DMGDH: variants seen among roughly 807,000 people sequenced by gnomAD.
The protein encoded by DMGDH is dimethylglycine dehydrogenase, mitochondrial.
Under a neutral mutation model 95.2 loss-of-function variants are expected in DMGDH, and 76 were observed. The observed-to-expected ratio is 0.80, with a 90% CI of 0.66 to 0.97. The LOEUF is 0.97. Among genes scored for constraint, DMGDH ranks in the 50% least tolerant of loss-of-function variants. The pLI is 0.00. For synonymous variants in DMGDH, 345 were observed against 377.6 expected (o/e 0.91, Z 1.00); for missense variants, 987 against 1,055.0 (o/e 0.94, Z 0.89).
At chr5:79,045,561 C>T (rs996623073) in intron 5 of DMGDH, among the ~76,000 whole-genome samples, 5 of 152,008 alleles carry the variant, frequency 3.3e-5, no homozygotes, top group African/African-American at 1.2e-4. Context: ...ATCCAAGGCA[C>T]CTTCACTGTA....
At chr5:79,014,365 G>C (rs1160611162) in intron 14 of DMGDH, among the ~76,000 whole-genome samples, 3 of 152,142 alleles carry the variant, frequency 2.0e-5, no homozygotes, top group African/African-American at 7.2e-5. Context: ...AAATGGACCT[G>C]TGGCTTTATC....
Position 79,033,364 on chromosome 5 carries a change from T to C in DMGDH, c.1238A>G (p.Asp413Gly). 6.2e-7 allele frequency: 1 copy of C among 1,614,176 alleles called. No individual in the cohort carries two copies. Among genetic ancestry groups the C allele is most frequent in the Non-Finnish European group, 8.5e-7 (1 of 1,180,034 alleles). ...HAGGVGKYLS[D>G]WILHGEPPFD... ...AGGAGGTTCTCCATGCAGGATCCAG[T>C]CACTGAGATATTTCCCTACCCCACC... is the stretch of plus-strand genomic sequence containing the variant. The change falls in exon 8 of 16, where the codon GAC becomes GGC. Residue 413 changes from aspartate to glycine, a missense_variant. Transcript: ENST00000255189.
intron 13 of DMGDH, among the ~76,000 whole-genome samples, chr5:79,025,577 C>T (rs978614445): frequency 2.0e-5 from 3 of 152,148 alleles, no homozygotes; most frequent in Non-Finnish European, 4.4e-5. Context: ...ATAAAAAATC[C>T]ATTTTTTAGA....
chr5:79,020,558 T>G (rs1402147327), intron 14 of DMGDH: 15 of 658,404 alleles, frequency 2.3e-5, no homozygotes, highest in Non-Finnish European at 2.8e-5. Flanking sequence ...GCTTTGCCTC[T>G]TTACCAGCTT....
chr5:79,063,921 T>C, intron 1 of DMGDH, 134 bp from the exon 2 acceptor site: 1 of 997,292 alleles, frequency 1.0e-6, no homozygotes, highest in South Asian at 1.4e-5. Context: ...ACTGATTTAA[T>C]AATTTGGAGC....
chr5:79,002,632 C>A (rs11952315), intron 15 of DMGDH, among the ~76,000 whole-genome samples: 7,025 of 152,164 alleles, frequency 0.046, 514 homozygotes, highest in African/African-American at 0.15. Flanking sequence ...CACACACACA[C>A]AAAAAAGTCA....
At chr5:79,034,863 T>C (rs896936471) in intron 7 of DMGDH, among the ~76,000 whole-genome samples, 21 of 151,842 alleles carry the variant, frequency 1.4e-4, no homozygotes, top group African/African-American at 4.1e-4. Context: ...CGAGACCATC[T>C]TGGCTAACAC....
chr5:79,066,640 C>T (rs56376822), intron 1 of DMGDH, among the ~76,000 whole-genome samples: 1,917 of 152,162 alleles, frequency 0.013, 29 homozygotes, highest in African/African-American at 0.041. Flanking sequence ...GTGAGTTTGT[C>T]TGGTGTTTCC....
chr5:79,061,253 A>G (rs1456271593), intron 2 of DMGDH, among the ~76,000 whole-genome samples: 1 of 147,782 alleles, frequency 6.8e-6, no homozygotes, highest in African/African-American at 2.6e-5. Flanking sequence ...ACACACACAC[A>G]CACACACACA....
chr5:79,021,107 TAAG>T (rs4021027), intron 14 of DMGDH: 13,334 of 986,412 alleles, frequency 0.014, 124 homozygotes, highest in South Asian at 0.065. Context: ...CGTTTTTAGT[TAAG>T]AAGATTTTAA....
At chr5:79,066,069 C>T (rs1036477954) in intron 1 of DMGDH, among the ~76,000 whole-genome samples, 42 of 152,222 alleles carry the variant, frequency 2.8e-4, no homozygotes, top group South Asian at 4.1e-4. Flanking sequence ...AACAACAGTA[C>T]AGTTTTCAAA....
intron 14 of DMGDH, among the ~76,000 whole-genome samples, chr5:79,015,365 G>A (rs1452857590): frequency 3.3e-5 from 5 of 152,130 alleles, no homozygotes; most frequent in Admixed American, 6.5e-5. Context: ...TGATCTCCCA[G>A]TCATCAGACG....
chr5:79,030,666 A>AT, intron 10 of DMGDH, 167 bp downstream of exon 10: 3 of 669,588 alleles, frequency 4.5e-6, no homozygotes, highest in East Asian at 3.0e-5. Context: ...AAAAAAAAAA[A>AT]GAAAAGAAAA....
At chr5:79,021,119 A>T (rs1753856357) in intron 14 of DMGDH, 2 of 986,582 alleles carry the variant, frequency 2.0e-6, no homozygotes, top group Non-Finnish European at 2.4e-6. Flanking sequence ...AGAAGATTTT[A>T]AAAGTACAGA....
chr5:79,056,651 C>T (rs550322388), intron 2 of DMGDH, among the ~76,000 whole-genome samples: 7 of 152,004 alleles, frequency 4.6e-5, no homozygotes, highest in Non-Finnish European at 8.8e-5. Context: ...GTCAGGAGTT[C>T]GAGACCAGCC....
At chr5:78,998,994 G>C (rs1230082869) in intron 15 of DMGDH, among the ~76,000 whole-genome samples, 1 of 152,146 alleles carries the variant, frequency 6.6e-6, no homozygotes, top group Non-Finnish European at 1.5e-5. Context: ...AAAAATAAAA[G>C]GAAGACAACA....
chr5:79,012,375 C>T (rs563039247), intron 14 of DMGDH, among the ~76,000 whole-genome samples: 10 of 152,308 alleles, frequency 6.6e-5, no homozygotes, highest in Non-Finnish European at 8.8e-5. Flanking sequence ...GTTCAGCCAC[C>T]GTAACTGCTC....
At position 79,065,352 on chromosome 5, in the gene DMGDH, C is replaced by T. The variant is rs145028873; in HGVS notation, c.102-1565G>A. Among the ~76,000 whole-genome samples, 1,105 of 151,606 alleles carry T rather than the reference C, an allele frequency of 7.3e-3. 10 individuals are homozygous for T. The highest frequency in any genetic ancestry group is 0.025 in the African/African-American group (1,034 of 41,350). ...TTAGCCTCCCGAGTAGCTGGGATTACAGACACGTACCACCACGCCCAGCTA... is the reference window on the plus strand; with the variant it reads ...TTAGCCTCCCGAGTAGCTGGGATTATAGACACGTACCACCACGCCCAGCTA... On this transcript the variant is annotated intron_variant, in intron 1 of 15. Transcript: ENST00000255189.
chr5:79,064,245 T>C (rs1478468190), intron 1 of DMGDH, among the ~76,000 whole-genome samples: 1 of 151,902 alleles, frequency 6.6e-6, no homozygotes, highest in Non-Finnish European at 1.5e-5. Context: ...CCCAGCTACT[T>C]GGGAGGCTGA....
Sources: allele counts gnomAD v4.1 joint callset (sites outside exome capture counted in the v4.1 genomes callset), GRCh38; gene constraint gnomAD v4.1.1; transcripts MANE v1.5; gene names NCBI Gene and HGNC (gene_info 2026-07-23, HGNC 2026-07-21).